LMNB1: variants seen among roughly 807,000 people sequenced by gnomAD.
LMNB1 encodes the protein lamin-B1.
In LMNB1, 23 loss-of-function variants were observed where a neutral mutation model predicts 67.1. The ratio of observed to expected loss-of-function variants is 0.34; its 90% CI spans 0.25 to 0.49. The LOEUF (loss-of-function observed/expected upper bound fraction) is 0.49. Ranked by LOEUF, LMNB1 falls within the 20% of genes least tolerant of loss-of-function variation. The pLI is 0.99. For missense variants in LMNB1, 634 were observed against 746.5 expected (o/e 0.85, Z 1.76); for synonymous variants, 281 against 282.9 (o/e 0.99, Z 0.07).
Position 126,836,514 on chromosome 5 carries a change from C to T in LMNB1, c.*250C>T. On this transcript the variant is annotated 3_prime_UTR_variant, in exon 11 of 11. Coordinates refer to ENST00000261366, the MANE Select transcript of LMNB1 (RefSeq NM_005573.4). ...AACTGTGTACTGTTCGGAAGGGGTTCCTCAAATTTTTTGACTTTTTTTGTA... is the reference window on the plus strand; with the variant it reads ...AACTGTGTACTGTTCGGAAGGGGTTTCTCAAATTTTTTGACTTTTTTTGTA... 2.7e-6 allele frequency: 1 copy of T among 364,122 alleles called. No homozygotes were observed. The highest frequency in any genetic ancestry group is 4.9e-6 in the Non-Finnish European group (1 of 205,778). 22.6% of individuals were successfully genotyped at this position (364,122 alleles called of 1,614,324 possible).
chr5:126,819,059 C>T lies in LMNB1; in HGVS notation c.1077C>T (p.Asp359=), dbSNP rs1751797555. The part of the protein sequence containing the change: ...IRDQMQQQLN[D]YEQLLDVKLA... ...ATCAAATGCAGCAACAGCTGAATGA[C>T]TATGAACAGCTTCTTGATGTAAAGT... Residue 359 remains aspartate, a synonymous_variant, in exon 6 of 11, where the codon GAC becomes GAT. Transcript: ENST00000261366. 6.2e-7 allele frequency: 1 copy of T among 1,614,114 alleles called. No homozygotes were observed. Among genetic ancestry groups the T allele is most frequent in the Non-Finnish European group, 8.5e-7 (1 of 1,180,006 alleles).
In LMNB1 at chr5:126,836,674, G is replaced by A. The variant is rs1752256891; in HGVS notation, c.*410G>A. On this transcript the variant is annotated 3_prime_UTR_variant, in exon 11 of 11. Transcript: ENST00000261366. ...CATTATTCTCTGCTATATATAAAAC[G>A]GTGCTGTGAGGGAGGGGAAAAGCAT... 5.4e-6 allele frequency: 2 copies of A among 369,776 alleles called. No individual in the cohort carries two copies. Among genetic ancestry groups the A allele is most frequent in the Non-Finnish European group, 9.5e-6 (2 of 209,512 alleles). The allele number at this position is 369,776 out of a possible 1,614,324, so 22.9% of individuals were successfully genotyped here.
Position 126,805,562 on chromosome 5 carries a change from TTG to T in LMNB1, c.517-7_517-6del, listed in dbSNP as rs772075890. ...TAATTTTTATCACAATTCTTTTTCCTTGTAATAGTTGGAAGCCTCCTTAGCTG... is the reference window on the plus strand; with the variant it reads ...TAATTTTTATCACAATTCTTTTTCCTTAATAGTTGGAAGCCTCCTTAGCTG... On this transcript the variant is annotated splice_polypyrimidine_tract_variant and splice_region_variant and intron_variant, in intron 2 of 10. Transcript: ENST00000261366. 1.3e-6 allele frequency: 2 copies of T among 1,581,648 alleles called. No homozygotes were observed. Among genetic ancestry groups the T allele is most frequent in the African/African-American group, 2.7e-5 (2 of 73,926 alleles).
At chr5:126,798,969 G>T (rs1338973844) in intron 1 of LMNB1, among the ~76,000 whole-genome samples, 2 of 151,864 alleles carry the variant, frequency 1.3e-5, no homozygotes, top group Non-Finnish European at 2.9e-5. Context: ...GCAAGAGGAA[G>T]AGATAGTAGT....
chr5:126,817,606 TTC>T (rs1751745299), intron 5 of LMNB1, among the ~76,000 whole-genome samples: 2 of 152,218 alleles, frequency 1.3e-5, no homozygotes, highest in African/African-American at 4.8e-5. Context: ...CCTGTATCTT[TTC>T]TCTCTCAGAG....
chr5:126,813,695 C>T (rs1183417365), intron 5 of LMNB1, among the ~76,000 whole-genome samples: 1 of 152,168 alleles, frequency 6.6e-6, no homozygotes, highest in African/African-American at 2.4e-5. Flanking sequence ...GCTGTGTCCT[C>T]ACATGGTTAA....
intron 1 of LMNB1, among the ~76,000 whole-genome samples, 172 bp downstream of exon 1, chr5:126,778,039 C>T (rs1750517865): frequency 6.6e-6 from 1 of 152,266 alleles, no homozygotes; most frequent in African/African-American, 2.4e-5. Context: ...GAGTTCATAG[C>T]GGAGCAGGGG....
chr5:126,814,673 G>A (rs1751663890), intron 5 of LMNB1, among the ~76,000 whole-genome samples: 1 of 152,056 alleles, frequency 6.6e-6, no homozygotes, highest in South Asian at 2.1e-4. Context: ...TGAGTAGCTG[G>A]GATTACAGGC....
intron 8 of LMNB1, among the ~76,000 whole-genome samples, chr5:126,823,345 A>G (rs1751916724): frequency 6.6e-6 from 1 of 152,198 alleles, no homozygotes; most frequent in South Asian, 2.1e-4. Flanking sequence ...TCCTTAGATT[A>G]TAGGCACCCT....
intron 1 of LMNB1, among the ~76,000 whole-genome samples, chr5:126,787,378 CAAAT>C (rs1750814386): frequency 7.1e-6 from 1 of 140,256 alleles, no homozygotes; most frequent in Admixed American, 7.3e-5. Context: ...TCCTGAATGT[CAAAT>C]AATTTATATA....
intron 1 of LMNB1, among the ~76,000 whole-genome samples, chr5:126,789,380 G>A (rs1750895417): frequency 1.3e-5 from 2 of 152,078 alleles, no homozygotes; most frequent in African/African-American, 4.8e-5. Flanking sequence ...ATAGTAGGGT[G>A]ACCATATAAT....
chr5:126,784,702 C>G (rs1750720416), intron 1 of LMNB1, among the ~76,000 whole-genome samples: 1 of 148,222 alleles, frequency 6.7e-6, no homozygotes, highest in South Asian at 2.1e-4. Flanking sequence ...GTCGCCCAGG[C>G]TGGAGTGCAG....
chr5:126,817,189 T>G (rs939703691), intron 5 of LMNB1, among the ~76,000 whole-genome samples: 1 of 152,218 alleles, frequency 6.6e-6, no homozygotes, highest in Non-Finnish European at 1.5e-5. Flanking sequence ...TTGTTTCATA[T>G]TTGGCCACTG....
At chr5:126,777,937 C>T (rs929947445) in intron 1 of LMNB1, 70 bp downstream of exon 1, 13 of 1,351,692 alleles carry the variant, frequency 9.6e-6, no homozygotes, top group South Asian at 8.3e-5. Context: ...ACCAGCTCAC[C>T]GGGTTCTGCC....
At chr5:126,812,135 G>T (rs1422757693) in intron 5 of LMNB1, among the ~76,000 whole-genome samples, 1 of 152,184 alleles carries the variant, frequency 6.6e-6, no homozygotes, top group Non-Finnish European at 1.5e-5. Flanking sequence ...TAAGGGACTT[G>T]CCCTTGAGGA....
chr5:126,834,421 A>G (rs72780218), intron 10 of LMNB1, among the ~76,000 whole-genome samples: 11,471 of 152,112 alleles, frequency 0.075, 458 homozygotes, highest in African/African-American at 0.09. Context: ...GGCCACGACA[A>G]TCTCAATCTC....
chr5:126,820,917 C>A lies in LMNB1; in HGVS notation c.1168C>A (p.Leu390Met), dbSNP rs1490827046. ...LLEGEEERLK[L>M]SPSPSSRVTV... ...TTTATTTTTCCCATATAGGTTGAAG[C>A]TGTCTCCAAGCCCTTCTTCCCGTGT... The change falls in exon 7 of 11, where the codon CTG becomes ATG. Residue 390 changes from leucine to methionine, a missense_variant. Coordinates refer to ENST00000261366, the MANE Select transcript of LMNB1 (RefSeq NM_005573.4). 1 of 1,611,800 alleles carries A rather than the reference C, an allele frequency of 6.2e-7. No individual in the cohort carries two copies. Among genetic ancestry groups the A allele is most frequent in the Admixed American group, 1.7e-5 (1 of 59,922 alleles).
intron 1 of LMNB1, among the ~76,000 whole-genome samples, chr5:126,784,441 C>T (rs1211187953): frequency 4.0e-5 from 6 of 151,222 alleles, no homozygotes; most frequent in Admixed American, 3.3e-4. Context: ...CTGCAACCTC[C>T]GCCCCTCCAG....
intron 6 of LMNB1, 103 bp from the exon 7 acceptor site, chr5:126,820,807 C>T: frequency 1.1e-6 from 1 of 879,722 alleles, no homozygotes; most frequent in South Asian, 1.7e-5. Context: ...GGGTTACAGA[C>T]ATGAGCCTCT....
Sources: gnomAD v4.1 joint callset for allele counts (sites outside exome capture counted in the v4.1 genomes callset) on GRCh38, gnomAD v4.1.1 for gene constraint, MANE v1.5 for transcripts, NCBI Gene and HGNC (gene_info 2026-07-23, HGNC 2026-07-21) for gene names.